NOL11: variants seen among roughly 807,000 people sequenced by gnomAD.
NOL11 encodes nucleolar protein 11.
NOL11 carries 42 observed loss-of-function variants against 93.0 expected under a neutral mutation model. The observed-to-expected ratio is 0.45, with a 90% confidence interval of 0.35 to 0.58. The LOEUF (loss-of-function observed/expected upper bound fraction) is 0.58. Among genes scored for constraint, NOL11 ranks in the 20% least tolerant of loss-of-function variants. The pLI, the probability that NOL11 is intolerant of heterozygous loss-of-function variation, is 0.00. For synonymous variants in NOL11, 296 were observed against 293.7 expected (o/e 1.01, Z -0.08); for missense variants, 775 against 841.8 (o/e 0.92, Z 0.98).
Position 67,738,331 on chromosome 17 carries a change from T to C in NOL11, c.1739T>C (p.Val580Ala). ...DETKESTSCP[V>A]VQKRAALLNA... is the part of the protein sequence containing the mutation. ...ACAAAGGAGAGCACTTCATGCCCTG[T>C]GGTACAAAAAAGAGCAGCTCTACTG... is the stretch of plus-strand genomic sequence containing the variant. Residue 580 changes from valine (V) to alanine (A), a missense_variant, in exon 14 of 18, where the codon GTG becomes GCG. Physicochemically the swap from Val to Ala is moderately conservative, Grantham distance 64. Coordinates refer to ENST00000253247, the MANE Select transcript of NOL11 (RefSeq NM_015462.5). The C allele has an allele frequency of 6.2e-7, 1 of 1,612,318 alleles. No individual in the cohort carries two copies. Among genetic ancestry groups the C allele is most frequent in the South Asian group, 1.1e-5 (1 of 90,974 alleles).
intron 7 of NOL11, among the ~76,000 whole-genome samples, chr17:67,728,769 TATA>T (rs2055123468): frequency 1.3e-5 from 2 of 152,230 alleles, no homozygotes; most frequent in Non-Finnish European, 2.9e-5. Flanking sequence ...GATCATTCCA[TATA>T]ATATTATTTG....
chr17:67,723,977 T>A, intron 5 of NOL11, 72 bp from the exon 6 acceptor site: 1 of 1,083,940 alleles, frequency 9.2e-7, no homozygotes, highest in Non-Finnish European at 1.3e-6. Flanking sequence ...GGTGACAACT[T>A]CTGGTTTTAA....
Position 67,739,012 on chromosome 17 carries a change from T to TA in NOL11, c.1842+4dup. 6 of 1,597,340 alleles carry TA rather than the reference T, an allele frequency of 3.8e-6. No individual in the cohort carries two copies. Among genetic ancestry groups the TA allele is most frequent in the Non-Finnish European group, 5.1e-6 (6 of 1,165,852 alleles). ...GACATCCCAGCACAGCATATCACGGTAAGTGTTCATACAAGTTGTATAGAA... is the reference window on the plus strand; with the variant it reads ...GACATCCCAGCACAGCATATCACGGTAAAGTGTTCATACAAGTTGTATAGAA... On this transcript the variant is annotated splice_region_variant and intron_variant, in intron 15 of 17. Transcript: ENST00000253247.
intron 14 of NOL11, chr17:67,738,671 T>C (rs557480830): frequency 9.0e-6 from 4 of 444,202 alleles, no homozygotes; most frequent in African/African-American, 8.2e-5. Flanking sequence ...CATCTCTACA[T>C]CAGATTTAAA....
At chr17:67,726,738 T>G in intron 7 of NOL11, 90 bp downstream of exon 7, 1 of 927,686 alleles carries the variant, frequency 1.1e-6, no homozygotes, top group Non-Finnish European at 1.5e-6. Flanking sequence ...ATTTCGTTAT[T>G]ACCCAGACTA....
At chr17:67,719,557 C>A (rs1450498671) in intron 1 of NOL11, 117 bp from the exon 2 acceptor site, 1 of 590,374 alleles carries the variant, frequency 1.7e-6, no homozygotes, top group East Asian at 3.2e-5. Context: ...CTGCCCTCGG[C>A]CAGTAAATTT....
intron 7 of NOL11, among the ~76,000 whole-genome samples, chr17:67,727,969 A>G (rs2055114069): frequency 6.7e-6 from 1 of 148,824 alleles, no homozygotes; most frequent in South Asian, 2.1e-4. Flanking sequence ...GTATAACTAT[A>G]CCATGTGCGA....
At position 67,726,995 on chromosome 17, in the gene NOL11, T is replaced by C. The variant is rs192029138; in HGVS notation, c.853+347T>C. 7.2e-4 allele frequency: 119 copies of C among 165,572 alleles called. 2 individuals are homozygous for C. Among genetic ancestry groups the C allele is most frequent in the Middle Eastern group, 2.7e-3 (1 of 364 alleles). 10.3% of individuals were successfully genotyped at this position (165,572 alleles called of 1,614,324 possible). ...GGATTCTTGGCAACATTTCACATCATGGAAATCCACTGGACATGAACACCT... is the reference window on the plus strand; with the variant it reads ...GGATTCTTGGCAACATTTCACATCACGGAAATCCACTGGACATGAACACCT... On this transcript the variant is annotated intron_variant, in intron 7 of 17. Transcript: ENST00000253247.
At chr17:67,729,134 G>A (rs952464530) in intron 7 of NOL11, among the ~76,000 whole-genome samples, 1 of 150,040 alleles carries the variant, frequency 6.7e-6, no homozygotes, top group Admixed American at 6.6e-5. Context: ...TAGTCTTGTT[G>A]CCCAGGGTGG....
intron 7 of NOL11, chr17:67,727,040 G>A (rs1352514631): frequency 6.4e-6 from 1 of 156,962 alleles, no homozygotes; most frequent in Admixed American, 6.4e-5. Flanking sequence ...GGAACTAATA[G>A]TGTACCTTTG....
At chr17:67,743,399 G>T in intron 16 of NOL11, 80 bp from the exon 17 acceptor site, 2 of 579,410 alleles carry the variant, frequency 3.5e-6, no homozygotes, top group Non-Finnish European at 3.0e-6. Context: ...TCTCATAACT[G>T]TTTATTTATG....
At chr17:67,721,850 C>T (rs2043219711) in intron 4 of NOL11, among the ~76,000 whole-genome samples, 1 of 152,194 alleles carries the variant, frequency 6.6e-6, no homozygotes, top group Non-Finnish European at 1.5e-5. Flanking sequence ...GCTAAAAGTG[C>T]ATCGTGTTAG....
In NOL11 at chr17:67,724,034, C is replaced by G. The variant is rs1461907144; in HGVS notation, c.520-15C>G. 1 of 1,151,724 alleles carries G rather than the reference C, an allele frequency of 8.7e-7. No homozygotes were observed. Among genetic ancestry groups the G allele is most frequent in the Non-Finnish European group, 1.2e-6 (1 of 852,802 alleles). 71.3% of individuals were successfully genotyped at this position (1,151,724 alleles called of 1,614,324 possible). A position where few individuals can be genotyped will look rare whatever the true frequency, so the allele number is the denominator to read the frequency against. Reference sequence around the variant, plus strand: ...GAAATGGGAATATTTATAAAATAACCTTTTTTTTTTGCAGCATGGAAATTA... The same window carrying G: ...GAAATGGGAATATTTATAAAATAACGTTTTTTTTTTGCAGCATGGAAATTA... On this transcript the variant is annotated splice_polypyrimidine_tract_variant and intron_variant, in intron 5 of 17. Transcript: ENST00000253247.
In NOL11 at chr17:67,739,512, C is replaced by T; in HGVS notation, c.1843-4C>T. 6.5e-7 allele frequency: 1 copy of T among 1,549,610 alleles called. No homozygotes were observed. The highest frequency in any genetic ancestry group is 8.7e-7 in the Non-Finnish European group (1 of 1,149,344). On this transcript the variant is annotated splice_region_variant and splice_polypyrimidine_tract_variant and intron_variant, in intron 15 of 17. Coordinates refer to ENST00000253247, the MANE Select transcript of NOL11 (RefSeq NM_015462.5). ...ATAAACTATCCATTTTTTTTCCCAC[C>T]CAGCTGTTTCTTAAGTATTTGTATT...
rs1295169140 is a variant in NOL11, at chr17:67,734,408, C to T, written c.899C>T (p.Ser300Leu). The T allele has an allele frequency of 2.5e-6, 4 of 1,608,060 alleles. No homozygotes were observed. Among genetic ancestry groups the T allele is most frequent in the Non-Finnish European group, 2.6e-6 (3 of 1,174,906 alleles). Residue 300 changes from serine (S) to leucine (L), a missense_variant, in exon 8 of 18, where the codon TCA becomes TTA. Around this residue, in one of 2 missense-constraint regions of NOL11, gnomAD observed 416 missense variants for 525.2 expected, o/e 0.79. Transcript: ENST00000253247. ...ATAAAATTTCAAACACTACAGACTT[C>T]AAAAGAGTTACCACAAGGGACCAGT... ...WNIKFQTLQT[S>L]KELPQGTSGQ... is the part of the protein sequence containing the mutation.
intron 1 of NOL11, among the ~76,000 whole-genome samples, 170 bp downstream of exon 1, chr17:67,718,258 T>G (rs896551002): frequency 6.6e-6 from 1 of 152,182 alleles, no homozygotes; most frequent in Non-Finnish European, 1.5e-5. Context: ...CTGGCTTGCT[T>G]GCCTTCCTGT....
chr17:67,743,067 C>A (rs1353142343), intron 16 of NOL11, among the ~76,000 whole-genome samples: 1 of 152,128 alleles, frequency 6.6e-6, no homozygotes, highest in Non-Finnish European at 1.5e-5. Context: ...AAGGCGAAAC[C>A]CCATCTCTAC....
At chr17:67,737,423 G>A in intron 11 of NOL11, 85 bp from the exon 12 acceptor site, 1 of 1,138,172 alleles carries the variant, frequency 8.8e-7, no homozygotes, top group Non-Finnish European at 1.3e-6. Flanking sequence ...TTAGTCATTT[G>A]AGAAAATGTT....
At chr17:67,741,025 T>C (rs890418017) in intron 16 of NOL11, among the ~76,000 whole-genome samples, 5 of 152,152 alleles carry the variant, frequency 3.3e-5, no homozygotes, top group Non-Finnish European at 7.4e-5. Context: ...CCCTCCCAAG[T>C]AGCTGGGACT....
Sources: allele counts gnomAD v4.1 joint callset (sites outside exome capture counted in the v4.1 genomes callset), GRCh38; gene constraint gnomAD v4.1.1; regional missense constraint gnomAD v4.1.1; transcripts MANE v1.5; gene names NCBI Gene and HGNC (gene_info 2026-07-23, HGNC 2026-07-21).